Variants in CHMP4B observed in about 807,000 individuals in gnomAD.
CHMP4B encodes charged multivesicular body protein 4B.
In CHMP4B, 1 loss-of-function variant was observed where a neutral mutation model predicts 25.1. That is an observed-to-expected ratio of 0.04 (90% CI 0.01 to 0.19). The LOEUF (loss-of-function observed/expected upper bound fraction) is 0.19. Ranked by LOEUF, CHMP4B falls within the 10% of genes least tolerant of loss-of-function variation. CHMP4B has a pLI of 1.00. For missense variants in CHMP4B, 151 were observed against 289.7 expected, an observed-to-expected ratio of 0.52 and a Z score of 3.48; for synonymous variants, 101 against 115.6, an observed-to-expected ratio of 0.87 and a Z score of 0.81.
intron 1 of CHMP4B, among the ~76,000 whole-genome samples, chr20:33,835,424 A>G (rs924334184): frequency 5.3e-5 from 8 of 152,076 alleles, no homozygotes; most frequent in Non-Finnish European, 1.2e-4. Flanking sequence ...ATGTTTATTC[A>G]CCTGCCCTCC....
chr20:33,821,193 C>T (rs572722723), intron 1 of CHMP4B, among the ~76,000 whole-genome samples: 9 of 151,694 alleles, frequency 5.9e-5, no homozygotes, highest in Admixed American at 1.3e-4. Flanking sequence ...TCGAGACTAG[C>T]CTGGCCAGCA....
At chr20:33,851,277 C>A (rs946231232) in intron 3 of CHMP4B, among the ~76,000 whole-genome samples, 1 of 152,148 alleles carries the variant, frequency 6.6e-6, no homozygotes, top group Non-Finnish European at 1.5e-5. Context: ...TCATCAGGAC[C>A]CTTCAGCAGG....
At position 33,830,886 on chromosome 20, in the gene CHMP4B, A is replaced by G. The variant is rs554333806; in HGVS notation, c.191-17581A>G. ...CTTTCTTTACATTATTTTCTAAACA[A>G]TCAGATTATAATCTAGCACTGTGAA... is the stretch of plus-strand genomic sequence containing the variant. On this transcript the variant is annotated intron_variant, in intron 1 of 4. Transcript: ENST00000217402. Among the ~76,000 whole-genome samples, 409 of 148,198 alleles carry G rather than the reference A, an allele frequency of 2.8e-3. 2 individuals are homozygous for G. The highest frequency in any genetic ancestry group is 7.3e-3 in the Middle Eastern group (2 of 274).
intron 1 of CHMP4B, among the ~76,000 whole-genome samples, chr20:33,837,509 T>C (rs1361417881): frequency 6.6e-6 from 1 of 151,018 alleles, no homozygotes; most frequent in Non-Finnish European, 1.5e-5. Context: ...CCCTCAAGGC[T>C]GACAGGAGAG....
chr20:33,824,951 G>C (rs1210929157), intron 1 of CHMP4B, among the ~76,000 whole-genome samples: 1 of 152,190 alleles, frequency 6.6e-6, no homozygotes, highest in Non-Finnish European at 1.5e-5. Flanking sequence ...GGATAAGGGG[G>C]TCATAAAGAG....
At chr20:33,829,551 T>C (rs1297420226) in intron 1 of CHMP4B, among the ~76,000 whole-genome samples, 1 of 152,248 alleles carries the variant, frequency 6.6e-6, no homozygotes, top group Non-Finnish European at 1.5e-5. Flanking sequence ...ATTTCTTTCT[T>C]TGCCCTCTTT....
At chr20:33,838,402 C>T (rs1156364605) in intron 1 of CHMP4B, among the ~76,000 whole-genome samples, 1 of 152,144 alleles carries the variant, frequency 6.6e-6, no homozygotes, top group African/African-American at 2.4e-5. Flanking sequence ...GTGTGTGCCC[C>T]TTCCAAAAGG....
chr20:33,829,252 A>G (rs1426818372), intron 1 of CHMP4B, among the ~76,000 whole-genome samples: 1 of 152,218 alleles, frequency 6.6e-6, no homozygotes, highest in Non-Finnish European at 1.5e-5. Flanking sequence ...CTCTCTGTTT[A>G]TAAACATAGG....
chr20:33,821,865 GGAGTACAGTAGCAA>G (rs1353093175), intron 1 of CHMP4B, among the ~76,000 whole-genome samples: 3 of 151,994 alleles, frequency 2.0e-5, no homozygotes, highest in African/African-American at 7.3e-5. Context: ...CGCCCAGGCT[GGAGTACAGTAGCAA>G]GATCTTGGCT....
intron 1 of CHMP4B, among the ~76,000 whole-genome samples, chr20:33,820,899 C>T (rs1978921767): frequency 6.6e-6 from 1 of 152,118 alleles, no homozygotes; most frequent in South Asian, 2.1e-4. Context: ...GAGAATGGAT[C>T]AGTGTTTAAC....
chr20:33,823,079 C>T (rs183678164), intron 1 of CHMP4B, among the ~76,000 whole-genome samples: 8 of 152,054 alleles, frequency 5.3e-5, no homozygotes, highest in East Asian at 1.9e-4. Context: ...TGAGCCACCG[C>T]GCCCGGCCCA....
chr20:33,835,511 TA>T (rs1979367589), intron 1 of CHMP4B, among the ~76,000 whole-genome samples: 1 of 152,228 alleles, frequency 6.6e-6, no homozygotes, highest in South Asian at 2.1e-4. Context: ...TGCTGATGTT[TA>T]AAATTATTTT....
chr20:33,844,602 AAGC>A (rs1171812782), intron 1 of CHMP4B, among the ~76,000 whole-genome samples: 1 of 152,160 alleles, frequency 6.6e-6, no homozygotes, highest in African/African-American at 2.4e-5. Context: ...ATTGGAGAAA[AAGC>A]AGTTCTAAAT....
chr20:33,840,282 AAGATGCAG>A (rs1029269242), intron 1 of CHMP4B, among the ~76,000 whole-genome samples: 4 of 151,622 alleles, frequency 2.6e-5, no homozygotes, highest in Admixed American at 1.3e-4. Context: ...CAGGGACAAG[AAGATGCAG>A]AGATCCCCAG....
chr20:33,848,516 G>A lies in CHMP4B; in HGVS notation c.240G>A (p.Ala80=), dbSNP rs774485925. 1.4e-5 allele frequency: 23 copies of A among 1,614,094 alleles called. No individual in the cohort carries two copies. Among genetic ancestry groups the A allele is most frequent in the Admixed American group, 3.3e-5 (2 of 60,012 alleles). Residue 80 remains alanine (A), a synonymous_variant, in exon 2 of 5, where the codon GCG becomes GCA. Transcript: ENST00000217402. Reference sequence around the variant, plus strand: ...AGAAGAGGTATGAGAAGCAGCTGGCGCAGATCGACGGCACATTATCAACCA... The same window carrying A: ...AGAAGAGGTATGAGAAGCAGCTGGCACAGATCGACGGCACATTATCAACCA... ...KRKKRYEKQL[A]QIDGTLSTIE...
At position 33,853,773 on chromosome 20, in the gene CHMP4B, G is replaced by GGGGGGGGGGGGGGGGGGGAA; in HGVS notation, c.*213_*214insGGGGGGGGGGGGGGGGGGAA. ...GGGGGGAGGGGGGCGGGCGGGGTGG[G>GGGGGGGGGGGGGGGGGGGAA]AAGTGCCTGCTGTTTATAATGTTGA... On this transcript the variant is annotated 3_prime_UTR_variant, in exon 5 of 5. Transcript: ENST00000217402. 3 of 25,270 alleles carry GGGGGGGGGGGGGGGGGGGAA rather than the reference G, an allele frequency of 1.2e-4. No individual in the cohort carries two copies. The highest frequency in any genetic ancestry group is 7.6e-5 in the Non-Finnish European group (1 of 13,100). The allele number at this position is 25,270 out of a possible 1,614,324, so 1.6% of individuals were successfully genotyped here.
intron 1 of CHMP4B, among the ~76,000 whole-genome samples, chr20:33,814,205 G>A (rs1978719960): frequency 1.3e-5 from 2 of 152,174 alleles, no homozygotes; most frequent in Non-Finnish European, 1.5e-5. Context: ...CATCCTCTAG[G>A]AGGAAGGTCT....
At chr20:33,817,438 G>C (rs1978812761) in intron 1 of CHMP4B, among the ~76,000 whole-genome samples, 1 of 152,214 alleles carries the variant, frequency 6.6e-6, no homozygotes, top group Admixed American at 6.5e-5. Flanking sequence ...GATTTTGTTT[G>C]GAAGTTTAAC....
intron 1 of CHMP4B, among the ~76,000 whole-genome samples, chr20:33,817,033 A>T (rs1447454575): frequency 1.3e-5 from 2 of 152,236 alleles, no homozygotes. Context: ...TAATAAGTTT[A>T]TAGTCTTATG....
Sources: allele counts gnomAD v4.1 joint callset (sites outside exome capture counted in the v4.1 genomes callset), GRCh38; gene constraint gnomAD v4.1.1; transcripts MANE v1.5; gene names NCBI Gene and HGNC (gene_info 2026-07-23, HGNC 2026-07-21).